SLC5A2: variants seen among roughly 807,000 people sequenced by gnomAD.
The protein encoded by SLC5A2 is sodium/glucose cotransporter 2.
SLC5A2 carries 67 observed loss-of-function variants against 69.0 expected under a neutral mutation model. The ratio of observed to expected loss-of-function variants is 0.97; its 90% CI spans 0.80 to 1.19. The LOEUF is 1.19. SLC5A2 is among the 50% of genes most tolerant of loss of function. The probability of loss-of-function intolerance (pLI) is 0.00; values close to 1 mark genes in which losing one functional copy is unlikely to be tolerated. For missense variants in SLC5A2, 1,001 were observed against 921.5 expected, an observed-to-expected ratio of 1.09 and a Z score of -1.12; for synonymous variants, 455 against 395.8, an observed-to-expected ratio of 1.15 and a Z score of -1.78.
rs1214148177 is a variant in SLC5A2, at chr16:31,483,154, G to A, written c.18G>A (p.Glu6=). 1.2e-6 allele frequency: 2 copies of A among 1,613,890 alleles called. No individual in the cohort carries two copies. Among genetic ancestry groups the A allele is most frequent in the Non-Finnish European group, 8.5e-7 (1 of 1,180,032 alleles). The part of the protein sequence containing the change: MEEHT[E]AGSAPEMGAQ... ...TGGGGAGAATGGAGGAGCACACAGA[G>A]GCAGGCTCGGCACCAGAGATGGGGG... Residue 6 remains glutamate (E), a synonymous_variant, in exon 1 of 14, where the codon GAG becomes GAA. Transcript: ENST00000330498.
In SLC5A2 at chr16:31,488,075, C is replaced by A; in HGVS notation, c.923C>A (p.Thr308Asn). ...CGCTGCCTGGCCGGGAAGAGCCTGA[C>A]CCACATCAAGGCGGGCTGCATCCTG... ...VQRCLAGKSL[T>N]HIKAGCILCG... The change falls in exon 8 of 14, where the codon ACC becomes AAC. Residue 308 changes from threonine (T) to asparagine (N), a missense_variant. Coordinates refer to ENST00000330498, the MANE Select transcript of SLC5A2 (RefSeq NM_003041.4). 6.2e-7 allele frequency: 1 copy of A among 1,614,014 alleles called. No individual in the cohort carries two copies. Among genetic ancestry groups the A allele is most frequent in the Non-Finnish European group, 8.5e-7 (1 of 1,179,958 alleles).
At chr16:31,488,266 G>C (rs979531804) in intron 8 of SLC5A2, 93 bp downstream of exon 8, 30 of 1,606,196 alleles carry the variant, frequency 1.9e-5, no homozygotes, top group Non-Finnish European at 2.3e-5. Context: ...GTTTGGGCCC[G>C]GAGTCCCGCC....
intron 10 of SLC5A2, 29 bp from the exon 11 acceptor site, chr16:31,488,851 C>A: frequency 6.2e-7 from 1 of 1,602,802 alleles, no homozygotes; most frequent in Non-Finnish European, 8.5e-7. Context: ...GCCCAGGGTC[C>A]GGGTTCGATC....
In SLC5A2 at chr16:31,488,969, A is replaced by C; in HGVS notation, c.1370A>C (p.Gln457Pro). ...AQGGQLFDYI[Q>P]AVSSYLAPPV... ...GGCGGGCAGCTCTTCGATTACATCC[A>C]GGCAGTCTCTAGCTACCTGGCACCG... The change falls in exon 11 of 14, where the codon CAG (glutamine) becomes CCG (proline). Residue 457 changes from glutamine to proline, a missense_variant. Transcript: ENST00000330498. The C allele has an allele frequency of 6.2e-7, 1 of 1,602,322 alleles. No homozygotes were observed. The highest frequency in any genetic ancestry group is 8.5e-7 in the Non-Finnish European group (1 of 1,179,864).
rs192460227 is a variant in SLC5A2 at position 31,489,589 on chromosome 16, G to C, written c.1665+251G>C. On this transcript the variant is annotated intron_variant, in intron 12 of 13. Coordinates refer to ENST00000330498, the MANE Select transcript of SLC5A2 (RefSeq NM_003041.4). ...AAAGCCAATCCTTGGCATGGCCTTT[G>C]GGACTCAAAACACAGGATCTGACTG... 1.8e-3 allele frequency: 1,077 copies of C among 587,006 alleles called. 16 individuals are homozygous for C. Among genetic ancestry groups the C allele is most frequent in the Middle Eastern group, 4.6e-4 (1 of 2,184 alleles). The allele number at this position is 587,006 out of a possible 1,614,324, so 36.4% of individuals were successfully genotyped here. A position where few individuals can be genotyped will look rare whatever the true frequency, so the allele number is the denominator to read the frequency against.
chr16:31,484,383 T>G (rs1172928533), intron 1 of SLC5A2, among the ~76,000 whole-genome samples: 3 of 146,030 alleles, frequency 2.1e-5, no homozygotes, highest in African/African-American at 7.7e-5. Flanking sequence ...ATCACACCAC[T>G]GCACTCCAGC....
At chr16:31,488,590 G>A (rs750193089) in intron 9 of SLC5A2, 32 bp from the exon 10 acceptor site, 60 of 1,609,656 alleles carry the variant, frequency 3.7e-5, no homozygotes, top group Non-Finnish European at 4.8e-5. Flanking sequence ...ACCCCCAGTG[G>A]CCCCAGCCTC....
In SLC5A2 at chr16:31,484,887, T is replaced by A. The variant is rs756805377; in HGVS notation, c.267T>A (p.Ala89=). The change falls in exon 3 of 14, where the codon GCT becomes GCA. Residue 89 remains alanine, a synonymous_variant. Coordinates refer to ENST00000330498, the MANE Select transcript of SLC5A2 (RefSeq NM_003041.4). ...GHFVGLAGTG[A]ASGLAVAGFE... ...TTGTGGGCCTGGCAGGGACTGGCGC[T>A]GCAAGTGGCTTGGCTGTTGCTGGAT... is the stretch of plus-strand genomic sequence containing the variant. The A allele has an allele frequency of 4.3e-6, 7 of 1,614,100 alleles. No homozygotes were observed. In the South Asian group the frequency reaches 7.7e-5, roughly 18 times the overall value.
In SLC5A2 at chr16:31,488,488, A is replaced by G; in HGVS notation, c.1127A>G (p.Asn376Ser). 1.2e-6 allele frequency: 2 copies of G among 1,607,830 alleles called. No individual in the cohort carries two copies. The highest frequency in any genetic ancestry group is 1.7e-6 in the Non-Finnish European group (2 of 1,178,354). Residue 376 changes from asparagine (N) to serine (S), a missense_variant and splice_region_variant, in exon 9 of 14, where the codon AAC becomes AGC. Transcript: ENST00000330498. ...CGGCTCGTCGTGAAGCTCATGCCCA[A>G]CGGTAAGGGCAGCCCCGGGCCACAG... ...YPRLVVKLMP[N>S]GLRGLMLAVM...
rs1306939757 is a variant in SLC5A2, at chr16:31,484,923, T to A, written c.303T>A (p.Asn101Lys). Residue 101 changes from asparagine (N) to lysine (K), a missense_variant and splice_region_variant, in exon 3 of 14, where the codon AAT becomes AAA. Transcript: ENST00000330498. ...SGLAVAGFEW[N>K]ALFVVLLLGW... ...TGGCTGTTGCTGGATTCGAGTGGAATGTGAGGCCCTCTTTTTTCCAATAAC... is the reference window on the plus strand; with the variant it reads ...TGGCTGTTGCTGGATTCGAGTGGAAAGTGAGGCCCTCTTTTTTCCAATAAC... 3 of 1,613,542 alleles carry A rather than the reference T, an allele frequency of 1.9e-6. No homozygotes were observed.
Position 31,489,056 on chromosome 16 carries a change from G to A in SLC5A2, c.1449+8G>A, listed in dbSNP as rs1567391147. 2 of 1,601,496 alleles carry A rather than the reference G, an allele frequency of 1.2e-6. No homozygotes were observed. The highest frequency in any genetic ancestry group is 1.7e-6 in the Non-Finnish European group (2 of 1,179,888). On this transcript the variant is annotated splice_region_variant and intron_variant, in intron 11 of 13. Coordinates refer to ENST00000330498, the MANE Select transcript of SLC5A2 (RefSeq NM_003041.4). ...CCGCGCGTTAATGAGCAGGTGAGCGGCACGCGCGTGGTGACGGCAGGGCTG... is the reference window on the plus strand; with the variant it reads ...CCGCGCGTTAATGAGCAGGTGAGCGACACGCGCGTGGTGACGGCAGGGCTG...
chr16:31,484,819 G>C lies in SLC5A2; in HGVS notation c.199G>C (p.Val67Leu). The C allele has an allele frequency of 6.2e-7, 1 of 1,613,182 alleles. No individual in the cohort carries two copies. The highest frequency in any genetic ancestry group is 8.5e-7 in the Non-Finnish European group (1 of 1,180,028). ...LAGRSMVWWP[V>L]GASLFASNIG... ...CTCACTCCCTCCTCTGGCCACCCAG[G>C]TTGGGGCCTCTCTCTTCGCCAGCAA... Residue 67 changes from valine to leucine, a missense_variant and splice_region_variant, in exon 3 of 14, where the codon GTT becomes CTT. Transcript: ENST00000330498.
chr16:31,483,320 A>G (rs930865545), intron 1 of SLC5A2, 58 bp downstream of exon 1: 2 of 1,606,390 alleles, frequency 1.2e-6, no homozygotes, highest in Non-Finnish European at 8.5e-7. Context: ...CTGGGGGAAA[A>G]GTCTCAGGGG....
chr16:31,483,649 T>C (rs963557457), intron 1 of SLC5A2, among the ~76,000 whole-genome samples: 71 of 152,186 alleles, frequency 4.7e-4, no homozygotes, highest in African/African-American at 1.6e-3. Context: ...TCCCAGCACT[T>C]TGGGAGGCCA....
rs1248636495 is a variant in SLC5A2 at position 31,490,597 on chromosome 16, G to A, written c.*62G>A. 7.9e-6 allele frequency: 11 copies of A among 1,397,366 alleles called. No homozygotes were observed. Among genetic ancestry groups the A allele is most frequent in the Admixed American group, 5.8e-5 (3 of 51,928 alleles). The allele number at this position is 1,397,366 out of a possible 1,614,324, so 86.6% of individuals were successfully genotyped here. Reference sequence around the variant, plus strand: ...CAGGAAGTGGGGGTGAGGAGCCTGCGGTGCTCCCCAGAAAAGGGGAAGGGG... The same window carrying A: ...CAGGAAGTGGGGGTGAGGAGCCTGCAGTGCTCCCCAGAAAAGGGGAAGGGG... On this transcript the variant is annotated 3_prime_UTR_variant, in exon 14 of 14. Coordinates refer to ENST00000330498, the MANE Select transcript of SLC5A2 (RefSeq NM_003041.4).
chr16:31,483,124 G>C lies in SLC5A2; in HGVS notation c.-13G>C. 2 of 1,613,864 alleles carry C rather than the reference G, an allele frequency of 1.2e-6. No homozygotes were observed. Among genetic ancestry groups the C allele is most frequent in the Non-Finnish European group, 1.7e-6 (2 of 1,180,004 alleles). On this transcript the variant is annotated 5_prime_UTR_variant, in exon 1 of 14. Transcript: ENST00000330498. ...CAGGGGCTGGTTCCTGGATGGGGCA[G>C]ATCCTGGGGAGAATGGAGGAGCACA... is the stretch of plus-strand genomic sequence containing the variant.
chr16:31,489,594 T>A, intron 12 of SLC5A2: 2 of 583,690 alleles, frequency 3.4e-6, no homozygotes, highest in South Asian at 4.0e-5. Context: ...CCTTTGGGAC[T>A]CAAAACACAG....
At chr16:31,489,732 G>A in intron 12 of SLC5A2, 1 of 445,466 alleles carries the variant, frequency 2.2e-6, no homozygotes, top group Non-Finnish European at 4.2e-6. Context: ...CAAGAGATCT[G>A]GGTGTGGAAG....
chr16:31,486,969 C>A, intron 5 of SLC5A2, among the ~76,000 whole-genome samples: 1 of 152,168 alleles, frequency 6.6e-6, no homozygotes, highest in Non-Finnish European at 1.5e-5. Flanking sequence ...TTGCTTGAAC[C>A]GGGCAGGCGG....
Sources: gnomAD v4.1 joint callset for allele counts (sites outside exome capture counted in the v4.1 genomes callset) on GRCh38, gnomAD v4.1.1 for gene constraint, MANE v1.5 for transcripts, NCBI Gene and HGNC (gene_info 2026-07-23, HGNC 2026-07-21) for gene names.